Variants in RFX2 observed in about 807,000 individuals in gnomAD.
The protein encoded by RFX2 is regulatory factor X2.
In RFX2, 20 loss-of-function variants were observed where a neutral mutation model predicts 87.8. The ratio of observed to expected loss-of-function variants is 0.23; its 90% CI spans 0.16 to 0.33. The LOEUF is 0.33. RFX2 is among the 10% of genes least tolerant of loss of function. The pLI is 1.00. For missense variants in RFX2, 767 were observed against 1,012.3 expected (o/e 0.76, Z 3.29); for synonymous variants, 397 against 431.3 (o/e 0.92, Z 0.98).
intron 5 of RFX2, among the ~76,000 whole-genome samples, chr19:6,028,251 T>C (rs900249180): frequency 7.9e-5 from 12 of 151,662 alleles, no homozygotes; most frequent in African/African-American, 2.9e-4. Flanking sequence ...TGATTCCGCA[T>C]CTTCACAAAT....
chr19:6,044,351 T>G lies in RFX2; in HGVS notation c.91-69A>C, dbSNP rs2087156286. 4.1e-6 allele frequency: 4 copies of G among 969,076 alleles called. No individual in the cohort carries two copies. In the African/African-American group the frequency reaches 6.9e-5, roughly 17 times the overall value. 60.0% of individuals were successfully genotyped at this position (969,076 alleles called of 1,614,324 possible). A position where few individuals can be genotyped will look rare whatever the true frequency, so the allele number is the denominator to read the frequency against. ...CAGTGCTGAGGATACACACAGAATG[T>G]AAGATGCTGTTTGTCTGTTCATGTG... On this transcript the variant is annotated intron_variant, in intron 2 of 17. Transcript: ENST00000303657. The surrounding 1 kb of genome is among the most constrained non-coding windows in gnomAD (Gnocchi z 5.3).
rs965454454 is a variant in RFX2, at chr19:5,999,052, T to G, written c.1860-1839A>C. 3.3e-5 allele frequency among the ~76,000 whole-genome samples: 5 copies of G among 152,022 alleles called. No individual in the cohort carries two copies. Among genetic ancestry groups the G allele is most frequent in the Non-Finnish European group, 5.9e-5 (4 of 67,986 alleles). ...AGGTGGATCACCTGAGGTCAGGAGT[T>G]TGAGAGCAGCCCGGCCAACATGGCA... On this transcript the variant is annotated intron_variant, in intron 15 of 17. Coordinates refer to ENST00000303657, the MANE Select transcript of RFX2 (RefSeq NM_000635.4). This position sits in a 1 kb window ranked among gnomAD's most constrained non-coding sequence, Gnocchi z 4.1.
At chr19:6,088,867 C>T (rs1193496049) in intron 1 of RFX2, among the ~76,000 whole-genome samples, 2 of 152,274 alleles carry the variant, frequency 1.3e-5, no homozygotes, top group East Asian at 3.9e-4. Flanking sequence ...GATGACTCAA[C>T]CCCATCCATT....
rs117878949 is a variant in RFX2, at chr19:6,006,611, G to A, written c.1402+401C>T. ...ACTACAGGCGTGTGCCACCATGCCCGGCTAAATCTTTGTATTTTTAGTAGA... is the reference window on the plus strand; with the variant it reads ...ACTACAGGCGTGTGCCACCATGCCCAGCTAAATCTTTGTATTTTTAGTAGA... On this transcript the variant is annotated intron_variant, in intron 12 of 17. Transcript: ENST00000303657. Among the ~76,000 whole-genome samples, 677 of 151,810 alleles carry A rather than the reference G, an allele frequency of 4.5e-3. 7 individuals carry two copies. In the East Asian group the frequency reaches 0.073, roughly 16 times the overall value.
In RFX2 at chr19:6,010,687, T is replaced by C. The variant is rs547311356; in HGVS notation, c.900-436A>G. Among the ~76,000 whole-genome samples the C allele has an allele frequency of 2.0e-5, 3 of 152,278 alleles. No homozygotes were observed. Among genetic ancestry groups the C allele is most frequent in the Admixed American group, 1.3e-4 (2 of 15,294 alleles). On this transcript the variant is annotated intron_variant, in intron 8 of 17. Transcript: ENST00000303657. The surrounding 1 kb of genome is among the most constrained non-coding windows in gnomAD (Gnocchi z 5.0). Reference sequence around the variant, plus strand: ...CGTTATGTCCTCAAGGTCCACCGAGTTGTAGCCTGTGTTGGAATTTCCTCC... The same window carrying C: ...CGTTATGTCCTCAAGGTCCACCGAGCTGTAGCCTGTGTTGGAATTTCCTCC...
chr19:6,072,807 T>C, intron 1 of RFX2: 1 of 1,049,176 alleles, frequency 9.5e-7, no homozygotes, highest in Non-Finnish European at 1.4e-6. Context: ...GTGGCAGCTG[T>C]CTCCTCCTCA....
intron 6 of RFX2, among the ~76,000 whole-genome samples, chr19:6,018,898 C>A (rs141224820): frequency 6.6e-6 from 1 of 152,298 alleles, no homozygotes; most frequent in East Asian, 1.9e-4. Context: ...GTGGTTCCTG[C>A]CACAATCCCT....
rs1469617243 is a variant in RFX2, at chr19:6,017,082, C to T, written c.598-811G>A. ...TAAAATACACAAATGCTTATATGCA[C>T]GGTTTTGTGTCTAAGTCAAAAGGCA... On this transcript the variant is annotated intron_variant, in intron 6 of 17. Coordinates refer to ENST00000303657, the MANE Select transcript of RFX2 (RefSeq NM_000635.4). This position sits in a 1 kb window ranked among gnomAD's most constrained non-coding sequence, Gnocchi z 4.1. 6.6e-6 allele frequency among the ~76,000 whole-genome samples: 1 copy of T among 152,112 alleles called. No individual in the cohort carries two copies. The highest frequency in any genetic ancestry group is 1.5e-5 in the Non-Finnish European group (1 of 68,032).
chr19:6,036,988 C>CA (rs2087034127), intron 5 of RFX2, among the ~76,000 whole-genome samples: 1 of 151,948 alleles, frequency 6.6e-6, no homozygotes, highest in Non-Finnish European at 1.5e-5. Flanking sequence ...CTCCTAGAAC[C>CA]AAAAAATGAG....
chr19:6,019,932 C>T (rs2086787021), intron 6 of RFX2: 1 of 152,318 alleles, frequency 6.6e-6, no homozygotes, highest in South Asian at 2.1e-4. Flanking sequence ...CAGAGAAAGA[C>T]TGTCCAAGGA....
Position 6,044,569 on chromosome 19 carries a change from C to T in RFX2, c.91-287G>A, listed in dbSNP as rs1477466232. 6.6e-6 allele frequency among the ~76,000 whole-genome samples: 1 copy of T among 152,228 alleles called. No individual in the cohort carries two copies. The highest frequency in any genetic ancestry group is 6.5e-5 in the Admixed American group (1 of 15,290). ...TATGCACGAATTGTGGGCACACACACACGTATGCACACACACATACACGGA... is the reference window on the plus strand; with the variant it reads ...TATGCACGAATTGTGGGCACACACATACGTATGCACACACACATACACGGA... On this transcript the variant is annotated intron_variant, in intron 2 of 17. Coordinates refer to ENST00000303657, the MANE Select transcript of RFX2 (RefSeq NM_000635.4). The surrounding 1 kb of genome is among the most constrained non-coding windows in gnomAD (Gnocchi z 5.3).
intron 16 of RFX2, 93 bp downstream of exon 16, chr19:5,996,967 G>T (rs2086421084): frequency 7.4e-7 from 1 of 1,345,918 alleles, no homozygotes. Flanking sequence ...AGTGGGACCT[G>T]CGAGTGTCCT....
At position 6,016,291 on chromosome 19, in the gene RFX2, T is replaced by A; in HGVS notation, c.598-20A>T. On this transcript the variant is annotated intron_variant, in intron 6 of 17. Transcript: ENST00000303657. This position sits in a 1 kb window ranked among gnomAD's most constrained non-coding sequence, Gnocchi z 5.4. ...CTGGAGCTGTAAAAAGAAAGACACG[T>A]CTGCGTTTGTCAGAAGCCTGAGGAA... 1 of 1,571,818 alleles carries A rather than the reference T, an allele frequency of 6.4e-7. No homozygotes were observed. The highest frequency in any genetic ancestry group is 8.7e-7 in the Non-Finnish European group (1 of 1,154,142).
chr19:6,109,332 AG>A (rs2088270266), intron 1 of RFX2: 1 of 151,908 alleles, frequency 6.6e-6, no homozygotes, highest in African/African-American at 2.4e-5. Context: ...CACAGGGAGA[AG>A]GGGAGGGGGT....
chr19:6,091,961 CATT>C (rs2087942369), intron 1 of RFX2, among the ~76,000 whole-genome samples: 1 of 152,162 alleles, frequency 6.6e-6, no homozygotes, highest in Admixed American at 6.5e-5. Flanking sequence ...CCTCAGTGAA[CATT>C]AACCCTGGAG....
chr19:6,041,606 CTTT>C (rs11363444), intron 4 of RFX2, among the ~76,000 whole-genome samples: 2 of 140,542 alleles, frequency 1.4e-5, no homozygotes, highest in African/African-American at 5.1e-5. Flanking sequence ...TAGGATTAGC[CTTT>C]TTTTTTTTTT....
At chr19:5,995,798 C>G (rs546331340) in intron 16 of RFX2, among the ~76,000 whole-genome samples, 155 bp from the exon 17 acceptor site, 1 of 152,242 alleles carries the variant, frequency 6.6e-6, no homozygotes, top group South Asian at 2.1e-4. Flanking sequence ...CTGATGCTGC[C>G]AGGTGTCTGG....
At chr19:6,041,036 A>G in intron 4 of RFX2, among the ~76,000 whole-genome samples, 1 of 152,186 alleles carries the variant, frequency 6.6e-6, no homozygotes, top group African/African-American at 2.4e-5. Context: ...GGGCTAGTTA[A>G]CAGTTTTACC....
chr19:6,055,736 C>T (rs979825097), intron 1 of RFX2, among the ~76,000 whole-genome samples: 8 of 152,126 alleles, frequency 5.3e-5, no homozygotes, highest in African/African-American at 1.9e-4. Context: ...AAATGTTCCT[C>T]ATCAGGAGAG....
Sources: allele counts gnomAD v4.1 joint callset (sites outside exome capture counted in the v4.1 genomes callset), GRCh38; gene constraint gnomAD v4.1.1; non-coding constraint Gnocchi (gnomAD v3.1); transcripts MANE v1.5; gene names NCBI Gene and HGNC (gene_info 2026-07-23, HGNC 2026-07-21).